Variants in GINS1 observed in about 807,000 individuals in gnomAD.
The protein encoded by GINS1 is GINS complex subunit 1, also known as DNA replication complex GINS protein PSF1.
A neutral mutation model predicts 34.9 loss-of-function variants in GINS1; 26 were observed. The observed-to-expected ratio is 0.74, with a 90% confidence interval of 0.55 to 1.03. The LOEUF is 1.03. Ranked by LOEUF, GINS1 falls within the 50% of genes least tolerant of loss-of-function variation. GINS1 has a pLI of 0.00. For missense variants in GINS1, 235 were observed against 237.9 expected, an observed-to-expected ratio of 0.99 and a Z score of 0.08; for synonymous variants, 97 against 84.4, an observed-to-expected ratio of 1.15 and a Z score of -0.82.
At chr20:25,426,534 C>CT (rs1000522082) in intron 5 of GINS1, among the ~76,000 whole-genome samples, 9 of 149,060 alleles carry the variant, frequency 6.0e-5, no homozygotes, top group African/African-American at 1.2e-4. Context: ...TTTTTTTTTT[C>CT]TTTTTTTTGA....
At chr20:25,442,610 A>ATTTT (rs146610455) in intron 6 of GINS1, among the ~76,000 whole-genome samples, 1 of 123,948 alleles carries the variant, frequency 8.1e-6, no homozygotes, top group Admixed American at 7.7e-5. Flanking sequence ...TATTATTATT[A>ATTTT]TTTTTTTTTT....
At chr20:25,421,083 A>C in intron 4 of GINS1, 1 of 390,818 alleles carries the variant, frequency 2.6e-6, no homozygotes, top group Non-Finnish European at 3.5e-6. Flanking sequence ...TGACTGAAGC[A>C]CATGGGCTTG....
chr20:25,434,860 C>T (rs1244775953), intron 5 of GINS1, among the ~76,000 whole-genome samples: 3 of 152,198 alleles, frequency 2.0e-5, no homozygotes, highest in Admixed American at 6.5e-5. Context: ...ATGCTGCATC[C>T]TCTGGAGGGA....
chr20:25,438,401 G>T (rs892014134), intron 5 of GINS1, among the ~76,000 whole-genome samples: 1 of 151,642 alleles, frequency 6.6e-6, no homozygotes, highest in African/African-American at 2.4e-5. Context: ...AGGAGCTCTT[G>T]CTAACCAAAA....
chr20:25,442,668 C>CG (rs1190246897), intron 6 of GINS1, among the ~76,000 whole-genome samples: 3 of 148,054 alleles, frequency 2.0e-5, no homozygotes, highest in Non-Finnish European at 1.5e-5. Context: ...AGTGCAGTGG[C>CG]GGGATCTCCA....
chr20:25,417,575 G>T (rs1482885194), intron 3 of GINS1, among the ~76,000 whole-genome samples: 1 of 152,048 alleles, frequency 6.6e-6, no homozygotes, highest in Non-Finnish European at 1.5e-5. Flanking sequence ...AGGACCTTTG[G>T]CCAGGCACAG....
Position 25,425,245 on chromosome 20 carries a change from C to T in GINS1, c.365C>T (p.Ala122Val). ...TTTAATAATTATAAAAGATCTCTTG[C>T]TACTTATATGAGGTCACTGGGAGGA... ...EWFNNYKRSL[A>V]TYMRSLGGDE... The change falls in exon 5 of 7, where the codon GCT (alanine) becomes GTT (valine). Residue 122 changes from alanine to valine, a missense_variant. Physicochemically the swap from Ala to Val is moderately conservative, Grantham distance 64. Transcript: ENST00000262460. 6.5e-7 allele frequency: 1 copy of T among 1,544,862 alleles called. No homozygotes were observed. The highest frequency in any genetic ancestry group is 1.7e-5 in the Admixed American group (1 of 59,732).
chr20:25,426,141 T>C (rs1436014088), intron 5 of GINS1, among the ~76,000 whole-genome samples: 1 of 152,238 alleles, frequency 6.6e-6, no homozygotes, highest in African/African-American at 2.4e-5. Flanking sequence ...TGTTTTCTTT[T>C]GTTCTCGTTA....
chr20:25,426,934 C>T (rs1429227268), intron 5 of GINS1, among the ~76,000 whole-genome samples: 3 of 152,094 alleles, frequency 2.0e-5, no homozygotes. Flanking sequence ...TTTATTTTAG[C>T]TATCATTTTA....
chr20:25,412,924 A>G (rs1418949363), intron 1 of GINS1, among the ~76,000 whole-genome samples: 2 of 152,136 alleles, frequency 1.3e-5, no homozygotes, highest in South Asian at 2.1e-4. Flanking sequence ...AGATGATATT[A>G]TTCTTTTTGG....
chr20:25,426,445 C>A (rs1197411127), intron 5 of GINS1, among the ~76,000 whole-genome samples: 4 of 151,978 alleles, frequency 2.6e-5, no homozygotes, highest in Non-Finnish European at 5.9e-5. Context: ...ATCCCAGCTA[C>A]TTGGGAGGCT....
At chr20:25,409,182 A>C (rs536374310) in intron 1 of GINS1, among the ~76,000 whole-genome samples, 2 of 152,360 alleles carry the variant, frequency 1.3e-5, no homozygotes, top group South Asian at 2.1e-4. Flanking sequence ...CTCACAGCCT[A>C]CATGAATTTG....
rs1175825572 is a variant in GINS1, at chr20:25,447,994, G to C, written c.*2003G>C. 1 of 152,384 alleles carries C rather than the reference G, an allele frequency of 6.6e-6. No individual in the cohort carries two copies. The highest frequency in any genetic ancestry group is 1.5e-5 in the Non-Finnish European group (1 of 68,228). 9.4% of individuals were successfully genotyped at this position (152,384 alleles called of 1,614,324 possible). ...AAAATAGAAAAAATTAGCCAGGTGT[G>C]GTGGTGCATGCCTGTAGTCACAGTT... On this transcript the variant is annotated 3_prime_UTR_variant, in exon 7 of 7. Transcript: ENST00000262460.
In GINS1 at chr20:25,418,126, C is replaced by T. The variant is rs1442808733; in HGVS notation, c.261C>T (p.Ile87=). The T allele has an allele frequency of 1.9e-6, 3 of 1,600,926 alleles. No homozygotes were observed. In the South Asian group the frequency reaches 3.3e-5, roughly 18 times the overall value. The part of the protein sequence containing the change: ...VAYLYDRLLR[I]RALRWEYGSV... ...CTAGGTATGACCGCTTGCTTCGGAT[C>T]AGAGCACTCAGATGGGAATATGGTA... The change falls in exon 4 of 7, where the codon ATC becomes ATT. Residue 87 remains isoleucine (I), a synonymous_variant. Transcript: ENST00000262460.
At chr20:25,436,399 C>G (rs2090455006) in intron 5 of GINS1, among the ~76,000 whole-genome samples, 1 of 151,956 alleles carries the variant, frequency 6.6e-6, no homozygotes, top group South Asian at 2.1e-4. Context: ...TTTTCAGTTA[C>G]TATTTCTTCA....
At chr20:25,429,033 G>A (rs1041813834) in intron 5 of GINS1, among the ~76,000 whole-genome samples, 3 of 133,404 alleles carry the variant, frequency 2.2e-5, no homozygotes, top group Admixed American at 8.0e-5. Context: ...CTGTCGCCCA[G>A]GCTGGAGTAC....
intron 6 of GINS1, among the ~76,000 whole-genome samples, chr20:25,445,551 G>C (rs2090507203): frequency 6.6e-6 from 1 of 152,174 alleles, no homozygotes; most frequent in Non-Finnish European, 1.5e-5. Flanking sequence ...GTTTCACCGT[G>C]TTAGCCAGGA....
rs948353987 is a variant in GINS1, at chr20:25,409,923, C to T, written c.75+2028C>T. Among the ~76,000 whole-genome samples the T allele has an allele frequency of 2.6e-5, 4 of 152,288 alleles. No individual in the cohort carries two copies. In the East Asian group the frequency reaches 7.7e-4, roughly 29 times the overall value. On this transcript the variant is annotated intron_variant, in intron 1 of 6. Transcript: ENST00000262460. ...AGGCCTAGAGAACAGAGAGACTGTGCAAACAGGTGCGGCCAAGCTGGATTT... is the reference window on the plus strand; with the variant it reads ...AGGCCTAGAGAACAGAGAGACTGTGTAAACAGGTGCGGCCAAGCTGGATTT...
chr20:25,418,915 A>C (rs1049750098), intron 4 of GINS1, among the ~76,000 whole-genome samples: 2 of 152,186 alleles, frequency 1.3e-5, no homozygotes, highest in African/African-American at 4.8e-5. Flanking sequence ...TACTTTAATC[A>C]CATGGTTGGT....
Sources: allele counts gnomAD v4.1 joint callset (sites outside exome capture counted in the v4.1 genomes callset), GRCh38; gene constraint gnomAD v4.1.1; transcripts MANE v1.5; gene names NCBI Gene and HGNC (gene_info 2026-07-23, HGNC 2026-07-21).